The following ZNF91 variants were observed in gnomAD, a reference collection of about 807,000 sequenced individuals.
ZNF91 encodes zinc finger protein 91, also known as zinc finger protein 91 (HPF7, HTF10).
Under a neutral mutation model 12.6 loss-of-function variants are expected in ZNF91, and 7 were observed. The observed-to-expected ratio is 0.55, with a 90% CI of 0.31 to 1.04. ZNF91 has a LOEUF of 1.04. ZNF91 is among the 50% of genes least tolerant of loss of function. The pLI is 0.05. For synonymous variants in ZNF91, 453 were observed against 462.6 expected (o/e 0.98, Z 0.27); for missense variants, 1,217 against 1,385.4 (o/e 0.88, Z 1.93).
intron 3 of ZNF91, among the ~76,000 whole-genome samples, chr19:23,367,585 A>G (rs1160366356): frequency 6.6e-6 from 1 of 152,202 alleles, no homozygotes. Context: ...GTTACGAACT[A>G]TAGCCAAACA....
upstream of ZNF91, among the ~76,000 whole-genome samples, chr19:23,314,210 C>T (rs771990184): frequency 1.3e-5 from 2 of 152,132 alleles, no homozygotes; most frequent in Non-Finnish European, 2.9e-5. Flanking sequence ...CTAGATTCTG[C>T]GAACAGGGGG....
downstream of ZNF91, among the ~76,000 whole-genome samples, chr19:23,353,714 C>G (rs538362228): frequency 6.6e-6 from 1 of 151,932 alleles, no homozygotes; most frequent in East Asian, 1.9e-4. Flanking sequence ...CAAGATTAAC[C>G]AAGAAGAGAG....
At chr19:23,345,382 C>T (rs1014969712) in intron 3 of ZNF91, among the ~76,000 whole-genome samples, 2 of 152,142 alleles carry the variant, frequency 1.3e-5, no homozygotes. Flanking sequence ...GGCCACAATA[C>T]GAATTGGATA....
intron 1 of ZNF91, among the ~76,000 whole-genome samples, chr19:23,322,702 T>G: frequency 6.7e-6 from 1 of 148,340 alleles, no homozygotes; most frequent in East Asian, 2.0e-4. Context: ...CGTCTTCTCC[T>G]CCTCACTTTT....
chr19:23,326,690 A>G lies in ZNF91; in HGVS notation n.117-17593T>C, dbSNP rs200376246. On this transcript the variant is annotated intron_variant and non_coding_transcript_variant, in intron 1 of 1. Transcript: ENST00000596528. The stretch of plus-strand genomic sequence containing the variant: ...AGATTTTGGAGAATACCATCATGTA[A>G]ATTGGAAGCTAAGGCCTAACTATTA... 33 of 152,328 alleles carry G rather than the reference A, an allele frequency of 2.2e-4. No homozygotes were observed. In the East Asian group the frequency reaches 6.0e-3, roughly 28 times the overall value. 9.4% of individuals were successfully genotyped at this position (152,328 alleles called of 1,614,324 possible). A position where few individuals can be genotyped will look rare whatever the true frequency, so the allele number is the denominator to read the frequency against.
chr19:23,369,077 C>T (rs532052563), intron 3 of ZNF91, among the ~76,000 whole-genome samples: 7 of 151,978 alleles, frequency 4.6e-5, no homozygotes, highest in Non-Finnish European at 8.8e-5. Flanking sequence ...TTTGGGAGGC[C>T]GTGGCAGGCA....
downstream of ZNF91, among the ~76,000 whole-genome samples, chr19:23,337,018 G>A (rs576125854): frequency 2.2e-4 from 33 of 152,282 alleles, no homozygotes; most frequent in African/African-American, 7.7e-4. Context: ...TTGGGTGCAA[G>A]TATAATTTAG....
At chr19:23,320,709 T>C (rs1967671906) in intron 1 of ZNF91, among the ~76,000 whole-genome samples, 1 of 152,172 alleles carries the variant, frequency 6.6e-6, no homozygotes. Flanking sequence ...AGCCAAACCA[T>C]GTATCTCATA....
intron 1 of ZNF91, among the ~76,000 whole-genome samples, chr19:23,317,084 C>T (rs186196588): frequency 3.4e-4 from 51 of 151,456 alleles, no homozygotes; most frequent in Admixed American, 6.6e-4. Context: ...CTCGCTCTGT[C>T]GCCCAGGCTG....
At chr19:23,368,560 C>CTATATATATATATA (rs1369086504) in intron 3 of ZNF91, among the ~76,000 whole-genome samples, 3 of 117,540 alleles carry the variant, frequency 2.6e-5, no homozygotes, top group African/African-American at 1.0e-4. Flanking sequence ...CTCTCTCTCT[C>CTATATATATATATA]TCTATATATA....
intron 1 of ZNF91, among the ~76,000 whole-genome samples, chr19:23,390,061 A>G (rs1172853839): frequency 1.3e-5 from 2 of 152,204 alleles, no homozygotes; most frequent in Non-Finnish European, 2.9e-5. Flanking sequence ...TCACTTCTGT[A>G]ATTCCACCAC....
upstream of ZNF91, among the ~76,000 whole-genome samples, chr19:23,313,237 G>T (rs372146992): frequency 6.6e-6 from 1 of 152,262 alleles, no homozygotes; most frequent in East Asian, 1.9e-4. Flanking sequence ...TTGACCTACA[G>T]TCTGGGACCA....
rs1212882927 is a variant in ZNF91, at chr19:23,395,465, G to C, written c.-111C>G. On this transcript the variant is annotated 5_prime_UTR_variant, in exon 1 of 4. Transcript: ENST00000300619. The stretch of plus-strand genomic sequence containing the variant: ...GAGACCTGGAAACTCCGGCGGCAGC[G>C]AGAGACAAAGGCCCAGCCACATCCC... 1.6e-5 allele frequency: 22 copies of C among 1,333,730 alleles called. No homozygotes were observed. Among genetic ancestry groups the C allele is most frequent in the Non-Finnish European group, 3.1e-6 (3 of 955,274 alleles). The allele number at this position is 1,333,730 out of a possible 1,614,324, so 82.6% of individuals were successfully genotyped here.
At chr19:23,344,390 G>A (rs1197470848) in intron 3 of ZNF91, among the ~76,000 whole-genome samples, 1 of 151,894 alleles carries the variant, frequency 6.6e-6, no homozygotes. Flanking sequence ...CACCGCGCCC[G>A]GCAAAAAACA....
At chr19:23,305,465 T>C (rs983148068) in intron 3 of ZNF91, among the ~76,000 whole-genome samples, 1 of 152,166 alleles carries the variant, frequency 6.6e-6, no homozygotes, top group African/African-American at 2.4e-5. Flanking sequence ...GTAAATCCAA[T>C]CAGTCAGTTA....
In ZNF91 at chr19:23,359,676, G is replaced by C; in HGVS notation, c.3303C>G (p.Thr1101=). ...STLTRHKRLH[T]GEKPYKCGEC... ...CTCCACATTTGTAGGGTTTCTCTCC[G>C]GTGTGCAACCTCTTATGTCTAGTTA... The change falls in exon 4 of 4, where the codon ACC becomes ACG. Residue 1101 remains threonine (T), a synonymous_variant. Coordinates refer to ENST00000300619, the MANE Select transcript of ZNF91 (RefSeq NM_003430.4). The C allele has an allele frequency of 6.2e-7, 1 of 1,608,456 alleles. No individual in the cohort carries two copies. Among genetic ancestry groups the C allele is most frequent in the South Asian group, 1.1e-5 (1 of 90,770 alleles).
intron 1 of ZNF91, among the ~76,000 whole-genome samples, chr19:23,382,050 A>C (rs993144807): frequency 9.1e-5 from 6 of 65,694 alleles, no homozygotes; most frequent in African/African-American, 5.5e-4. Context: ...ATCCTGAGAC[A>C]AAAAAAAAAA....
In ZNF91 at chr19:23,373,769, G is replaced by C. The variant is rs372907267; in HGVS notation, c.226C>G (p.Gln76Glu). The stretch of plus-strand genomic sequence containing the variant: ...GTGGGTTCATCCACCATCTCATGTT[G>C]CTTCATATTCCAGGGCTCTTTTCCT... The part of the protein sequence containing the change: ...EQGKEPWNMK[Q>E]HEMVDEPTGI... The change falls in exon 3 of 4, where the codon CAA becomes GAA. Residue 76 changes from glutamine to glutamate, a missense_variant. Physicochemically the swap from Gln to Glu is conservative, Grantham distance 29 (BLOSUM62 2). Around this residue, in one of 2 missense-constraint regions of ZNF91, gnomAD observed 726 missense variants for 895.5 expected, o/e 0.81. Transcript: ENST00000300619. 2 of 1,610,906 alleles carry C rather than the reference G, an allele frequency of 1.2e-6. No individual in the cohort carries two copies. Among genetic ancestry groups the C allele is most frequent in the African/African-American group, 2.7e-5 (2 of 74,706 alleles).
At chr19:23,315,677 T>C (rs527886034) in intron 1 of ZNF91, among the ~76,000 whole-genome samples, 8 of 152,294 alleles carry the variant, frequency 5.3e-5, no homozygotes, top group African/African-American at 1.4e-4. Context: ...GCCCTGCCCA[T>C]GGGTGTGATT....
Sources: allele counts gnomAD v4.1 joint callset (sites outside exome capture counted in the v4.1 genomes callset), GRCh38; gene constraint gnomAD v4.1.1; regional missense constraint gnomAD v4.1.1; transcripts MANE v1.5; gene names NCBI Gene and HGNC (gene_info 2026-07-23, HGNC 2026-07-21).